The following KLHL5 variants were observed in gnomAD, a reference collection of about 807,000 sequenced individuals.
The protein encoded by KLHL5 is kelch-like protein 5.
A neutral mutation model predicts 77.7 loss-of-function variants in KLHL5; 48 were observed. The observed-to-expected ratio is 0.62, with a 90% confidence interval of 0.49 to 0.79. The LOEUF (loss-of-function observed/expected upper bound fraction) is 0.79. Ranked by LOEUF, KLHL5 falls within the 30% of genes least tolerant of loss-of-function variation. The pLI is 0.00. For missense variants in KLHL5, 723 were observed against 859.7 expected, an observed-to-expected ratio of 0.84 and a Z score of 1.99; for synonymous variants, 260 against 297.0, an observed-to-expected ratio of 0.88 and a Z score of 1.28.
At chr4:39,056,769 T>C (rs1382743506) in intron 1 of KLHL5, among the ~76,000 whole-genome samples, 1 of 152,214 alleles carries the variant, frequency 6.6e-6, no homozygotes, top group African/African-American at 2.4e-5. Context: ...TGAAACAATA[T>C]CCTTACCTCC....
chr4:39,091,405 T>G (rs1720538279), intron 5 of KLHL5, among the ~76,000 whole-genome samples: 1 of 150,978 alleles, frequency 6.6e-6, no homozygotes, highest in Non-Finnish European at 1.5e-5. Context: ...TGATTGATTT[T>G]ATTTTACTTT....
chr4:39,117,584 G>A (rs1458645848), intron 10 of KLHL5, among the ~76,000 whole-genome samples: 3 of 152,170 alleles, frequency 2.0e-5, no homozygotes, highest in Admixed American at 2.0e-4. Context: ...TTACTGGGTT[G>A]AATTGGGAGG....
rs534917791 is a variant in KLHL5 at position 39,081,348 on chromosome 4, A to C, written c.703+109A>C. The C allele has an allele frequency of 1.6e-5, 14 of 870,998 alleles. No individual in the cohort carries two copies. The highest frequency in any genetic ancestry group is 9.3e-5 in the Admixed American group (3 of 32,274). 54.0% of individuals were successfully genotyped at this position (870,998 alleles called of 1,614,324 possible). On this transcript the variant is annotated intron_variant, in intron 3 of 10. Coordinates refer to ENST00000504108, the MANE Select transcript of KLHL5 (RefSeq NM_015990.5). The surrounding 1 kb of genome is among the most constrained non-coding windows in gnomAD (Gnocchi z 4.3). ...GCCATAGCTAACAGTTAGTTCTGCT[A>C]TTGTCATTACTACCCTTTGTATTTA...
chr4:39,050,069 C>T (rs1323720031), intron 1 of KLHL5, among the ~76,000 whole-genome samples: 1 of 151,836 alleles, frequency 6.6e-6, no homozygotes, highest in East Asian at 1.9e-4. Flanking sequence ...AGTGAGACTC[C>T]ATCCCAAAAA....
rs757829926 is a variant in KLHL5 at position 39,115,230 on chromosome 4, G to T, written c.1973G>T (p.Cys658Phe). ...MSISRDAVGVCLLGDKLYAVG... is the reference protein window; with the variant it reads ...MSISRDAVGVFLLGDKLYAVG... ...ATCAGCAGAGATGCAGTGGGGGTCT[G>T]TTTACTTGGTGATAAGTTATATGCT... is the stretch of plus-strand genomic sequence containing the variant. Residue 658 changes from cysteine to phenylalanine, a missense_variant, in exon 10 of 11, where the codon TGT becomes TTT. Physicochemically the swap from Cys to Phe is radical, Grantham distance 205. Coordinates refer to ENST00000504108, the MANE Select transcript of KLHL5 (RefSeq NM_015990.5). 8.7e-6 allele frequency: 14 copies of T among 1,613,882 alleles called. No individual in the cohort carries two copies. The highest frequency in any genetic ancestry group is 1.3e-5 in the African/African-American group (1 of 74,914).
chr4:39,094,922 A>G (rs867264611), intron 5 of KLHL5, among the ~76,000 whole-genome samples: 7 of 152,168 alleles, frequency 4.6e-5, no homozygotes, highest in Admixed American at 1.3e-4. Context: ...CAGATAATCC[A>G]GAAGACTACA....
intron 8 of KLHL5, among the ~76,000 whole-genome samples, chr4:39,109,672 GGACA>G (rs1722313307): frequency 6.8e-6 from 1 of 146,164 alleles, no homozygotes; most frequent in South Asian, 2.2e-4. Flanking sequence ...GTGGGGAAGT[GGACA>G]GACTCTTGCT....
chr4:39,109,576 G>A (rs1177420097), intron 8 of KLHL5, among the ~76,000 whole-genome samples: 1 of 150,730 alleles, frequency 6.6e-6, no homozygotes, highest in Non-Finnish European at 1.5e-5. Flanking sequence ...TGGGATTACA[G>A]GCATGAGCCA....
upstream of KLHL5, chr4:39,062,150 A>T: frequency 2.9e-6 from 2 of 696,628 alleles, no homozygotes; most frequent in Non-Finnish European, 1.8e-6. Flanking sequence ...GATTATTTTT[A>T]AGTACAAAGG....
intron 1 of KLHL5, among the ~76,000 whole-genome samples, chr4:39,052,178 T>C (rs949583477): frequency 6.6e-6 from 1 of 152,172 alleles, no homozygotes; most frequent in Non-Finnish European, 1.5e-5. Flanking sequence ...TGGAGTGTGG[T>C]GGTGTGATCT....
In KLHL5 at chr4:39,093,240, A is replaced by G. The variant is rs563264105; in HGVS notation, c.1114-3452A>G. 685 of 435,064 alleles carry G rather than the reference A, an allele frequency of 1.6e-3. 9 individuals are homozygous for G. Among genetic ancestry groups the G allele is most frequent in the South Asian group, 0.011 (663 of 60,880 alleles). 27.0% of individuals were successfully genotyped at this position (435,064 alleles called of 1,614,324 possible). The stretch of plus-strand genomic sequence containing the variant: ...AAGTCTCAAAAGTGTGCTAAGGGAA[A>G]GAAGCAAGACACCAGAGTCTCCATA... On this transcript the variant is annotated intron_variant, in intron 5 of 10. Coordinates refer to ENST00000504108, the MANE Select transcript of KLHL5 (RefSeq NM_015990.5).
At chr4:39,109,032 T>A (rs1263927098) in intron 8 of KLHL5, among the ~76,000 whole-genome samples, 1 of 152,194 alleles carries the variant, frequency 6.6e-6, no homozygotes, top group African/African-American at 2.4e-5. Context: ...TGAATATAAT[T>A]CAGAGACAAC....
rs1560445859 is a variant in KLHL5, at chr4:39,121,208, A to G, written c.*142A>G. 1 of 676,698 alleles carries G rather than the reference A, an allele frequency of 1.5e-6. No individual in the cohort carries two copies. Among genetic ancestry groups the G allele is most frequent in the South Asian group, 1.8e-5 (1 of 56,786 alleles). 41.9% of individuals were successfully genotyped at this position (676,698 alleles called of 1,614,324 possible). A position where few individuals can be genotyped will look rare whatever the true frequency, so the allele number is the denominator to read the frequency against. Reference sequence around the variant, plus strand: ...TGCCTGATGTCAAAATGAAGATAGTAAAACAAGGGAGGAAGCAGTGGATGG... The same window carrying G: ...TGCCTGATGTCAAAATGAAGATAGTGAAACAAGGGAGGAAGCAGTGGATGG... On this transcript the variant is annotated 3_prime_UTR_variant, in exon 11 of 11. Transcript: ENST00000504108.
At chr4:39,079,569 G>A (rs1039827625) in intron 2 of KLHL5, among the ~76,000 whole-genome samples, 16 of 152,092 alleles carry the variant, frequency 1.1e-4, no homozygotes, top group African/African-American at 2.9e-4. Flanking sequence ...ATCTTTGCCC[G>A]TGTCACTTTC....
chr4:39,091,332 C>T lies in KLHL5; in HGVS notation c.1113+4605C>T, dbSNP rs1577699542. Among the ~76,000 whole-genome samples the T allele has an allele frequency of 2.0e-5, 3 of 152,046 alleles. No individual in the cohort carries two copies. In the East Asian group the frequency reaches 5.8e-4, roughly 29 times the overall value. ...GTGGAGAAAGGGTCTCACCATGTTG[C>T]CCTGAGTGGTCTTCAACTACTGGAC... is the stretch of plus-strand genomic sequence containing the variant. On this transcript the variant is annotated intron_variant, in intron 5 of 10. Transcript: ENST00000504108.
chr4:39,121,317 G>A lies in KLHL5; in HGVS notation c.*251G>A, dbSNP rs1300460582. ...ATCACACATTCCCGAAGTAATAAGT[G>A]AGGACGAATGCACTGCTCTGGAACA... On this transcript the variant is annotated 3_prime_UTR_variant, in exon 11 of 11. Transcript: ENST00000504108. 1.9e-6 allele frequency: 1 copy of A among 514,670 alleles called. No homozygotes were observed. Among genetic ancestry groups the A allele is most frequent in the Non-Finnish European group, 3.5e-6 (1 of 285,934 alleles). 31.9% of individuals were successfully genotyped at this position (514,670 alleles called of 1,614,324 possible). A position where few individuals can be genotyped will look rare whatever the true frequency, so the allele number is the denominator to read the frequency against.
At chr4:39,095,552 C>T (rs1270047382) in intron 5 of KLHL5, among the ~76,000 whole-genome samples, 1 of 151,808 alleles carries the variant, frequency 6.6e-6, no homozygotes, top group Non-Finnish European at 1.5e-5. Flanking sequence ...ATAAGGACTT[C>T]TGTACTGGAC....
At chr4:39,108,517 G>A (rs1722212253) in intron 8 of KLHL5, among the ~76,000 whole-genome samples, 1 of 152,006 alleles carries the variant, frequency 6.6e-6, no homozygotes, top group South Asian at 2.1e-4. Context: ...TATATTTTAG[G>A]ACCTAAGATC....
intron 4 of KLHL5, 25 bp downstream of exon 4, chr4:39,082,184 A>C: frequency 6.5e-7 from 1 of 1,531,320 alleles, no homozygotes; most frequent in East Asian, 2.3e-5. Flanking sequence ...AAGGTGAGAA[A>C]GTCGATCCTC....
Sources: allele counts gnomAD v4.1 joint callset (sites outside exome capture counted in the v4.1 genomes callset), GRCh38; gene constraint gnomAD v4.1.1; non-coding constraint Gnocchi (gnomAD v3.1); transcripts MANE v1.5; gene names NCBI Gene and HGNC (gene_info 2026-07-23, HGNC 2026-07-21).